The following SOX5 variants were observed in gnomAD, a reference collection of about 807,000 sequenced individuals.
SOX5 encodes the protein transcription factor SOX-5.
A neutral mutation model predicts 92.0 loss-of-function variants in SOX5; 9 were observed. The ratio of observed to expected loss-of-function variants is 0.10; its 90% CI spans 0.06 to 0.17. SOX5 has a LOEUF of 0.17. Among genes scored for constraint, SOX5 ranks in the 10% least tolerant of loss-of-function variants. SOX5 has a pLI of 1.00. For synonymous variants in SOX5, 344 were observed against 336.3 expected, an observed-to-expected ratio of 1.02 and a Z score of -0.25; for missense variants, 642 against 944.5, an observed-to-expected ratio of 0.68 and a Z score of 4.20.
At chr12:23,565,647 T>C (rs1946943250) in intron 10 of SOX5, among the ~76,000 whole-genome samples, 1 of 152,200 alleles carries the variant, frequency 6.6e-6, no homozygotes, top group South Asian at 2.1e-4. Flanking sequence ...CTATGTTCTG[T>C]AATGGTTATT....
intron 2 of SOX5, among the ~76,000 whole-genome samples, chr12:24,294,598 A>C (rs569898549): frequency 1.3e-5 from 2 of 152,330 alleles, no homozygotes; most frequent in African/African-American, 2.4e-5. Flanking sequence ...TGGAGTCACC[A>C]AAATGCACAG....
intron 2 of SOX5, among the ~76,000 whole-genome samples, chr12:24,322,847 T>G (rs954840567): frequency 6.6e-5 from 10 of 152,118 alleles, no homozygotes; most frequent in African/African-American, 1.9e-4. Flanking sequence ...TGTTGTTGTT[T>G]TTTAAATAAT....
chr12:24,258,611 T>C (rs1218758354), intron 3 of SOX5, among the ~76,000 whole-genome samples: 1 of 152,154 alleles, frequency 6.6e-6, no homozygotes, highest in East Asian at 1.9e-4. Context: ...ACAAAAATCA[T>C]AAGAATTTCT....
chr12:24,192,246 C>G (rs1956595382), intron 4 of SOX5, among the ~76,000 whole-genome samples: 1 of 152,124 alleles, frequency 6.6e-6, no homozygotes, highest in Non-Finnish European at 1.5e-5. Flanking sequence ...TTTCCTACTG[C>G]CACTAGCAGG....
At chr12:23,627,477 T>C (rs2077980505) in intron 8 of SOX5, among the ~76,000 whole-genome samples, 1 of 152,142 alleles carries the variant, frequency 6.6e-6, no homozygotes, top group Non-Finnish European at 1.5e-5. Flanking sequence ...ACTTGCTAAC[T>C]TGAAATATGG....
intron 1 of SOX5, among the ~76,000 whole-genome samples, chr12:24,459,575 A>G (rs1358867780): frequency 6.6e-6 from 1 of 151,998 alleles, no homozygotes; most frequent in African/African-American, 2.4e-5. Context: ...CTAAAAGGAG[A>G]GATGAGTTCT....
In SOX5 at chr12:24,042,004, G is replaced by T. The variant is rs753147094; in HGVS notation, c.-1-145980C>A. Among the ~76,000 whole-genome samples the T allele has an allele frequency of 2.0e-5, 3 of 152,144 alleles. No homozygotes were observed. In the Middle Eastern group the frequency reaches 0.01, roughly 517 times the overall value. On this transcript the variant is annotated intron_variant, in intron 4 of 4. Coordinates refer to the SOX5 transcript ENST00000446891. ...CCCAAATTAATCATTAAGGTTGTTT[G>T]TTTAACATCTACCATGCATAAGACA...
chr12:23,647,423 T>C (rs1017136820), intron 7 of SOX5, among the ~76,000 whole-genome samples: 1 of 152,222 alleles, frequency 6.6e-6, no homozygotes, highest in African/African-American at 2.4e-5. Flanking sequence ...TAAATGAGCT[T>C]TGGCTTCAAC....
chr12:23,540,787 C>T (rs765534276), intron 13 of SOX5, among the ~76,000 whole-genome samples: 3 of 152,080 alleles, frequency 2.0e-5, no homozygotes, highest in Non-Finnish European at 4.4e-5. Flanking sequence ...AACTACGATC[C>T]CCAGAGACTA....
At chr12:23,896,872 A>G (rs1253801130) in intron 1 of SOX5, among the ~76,000 whole-genome samples, 3 of 152,118 alleles carry the variant, frequency 2.0e-5, no homozygotes, top group Non-Finnish European at 4.4e-5. Context: ...TTGATGAGCT[A>G]AAGTCTACAT....
intron 1 of SOX5, among the ~76,000 whole-genome samples, chr12:23,905,021 G>A (rs574634084): frequency 9.2e-5 from 14 of 152,238 alleles, no homozygotes; most frequent in Admixed American, 7.2e-4. Flanking sequence ...AAAGCAAGTT[G>A]AAGATAAATA....
At chr12:24,466,006 C>T (rs1235376343) in intron 1 of SOX5, among the ~76,000 whole-genome samples, 1 of 152,122 alleles carries the variant, frequency 6.6e-6, no homozygotes, top group African/African-American at 2.4e-5. Context: ...TAATACTACC[C>T]TAATTATCCC....
At chr12:24,410,932 T>A (rs1266114060) in intron 1 of SOX5, among the ~76,000 whole-genome samples, 1 of 152,198 alleles carries the variant, frequency 6.6e-6, no homozygotes, top group Non-Finnish European at 1.5e-5. Flanking sequence ...ATGTTGAGTG[T>A]TCCAGTCCAT....
At chr12:24,311,825 T>C (rs1003708420) in intron 2 of SOX5, among the ~76,000 whole-genome samples, 1 of 152,190 alleles carries the variant, frequency 6.6e-6, no homozygotes, top group African/African-American at 2.4e-5. Flanking sequence ...TGCCTCCTTT[T>C]TAAAAAGCAT....
intron 4 of SOX5, among the ~76,000 whole-genome samples, chr12:24,155,973 G>A (rs1281566636): frequency 1.3e-5 from 2 of 152,090 alleles, no homozygotes; most frequent in Non-Finnish European, 2.9e-5. Context: ...GTTTATGGAC[G>A]CTATTTCTGC....
intron 4 of SOX5, among the ~76,000 whole-genome samples, chr12:24,195,162 A>G (rs1956895321): frequency 6.6e-6 from 1 of 152,082 alleles, no homozygotes; most frequent in South Asian, 2.1e-4. Context: ...CACGAGAAAA[A>G]TATTTCTAGG....
intron 11 of SOX5, among the ~76,000 whole-genome samples, chr12:23,551,195 A>C (rs937985773): frequency 1.3e-5 from 2 of 151,976 alleles, no homozygotes; most frequent in Non-Finnish European, 2.9e-5. Flanking sequence ...ATGGTCTTCT[A>C]CTATATTAAC....
intron 10 of SOX5, among the ~76,000 whole-genome samples, chr12:23,573,847 G>A (rs987807380): frequency 6.6e-6 from 1 of 152,014 alleles, no homozygotes; most frequent in Non-Finnish European, 1.5e-5. Flanking sequence ...CTAGGGACAG[G>A]CCTATGTGGC....
At chr12:24,129,644 A>G (rs1206521463) in intron 4 of SOX5, among the ~76,000 whole-genome samples, 3 of 152,194 alleles carry the variant, frequency 2.0e-5, no homozygotes, top group Non-Finnish European at 2.9e-5. Context: ...GTTCAGCCTG[A>G]GCCTCAGATA....
Sources: allele counts gnomAD v4.1 joint callset (sites outside exome capture counted in the v4.1 genomes callset), GRCh38; gene constraint gnomAD v4.1.1; transcripts MANE v1.5; gene names NCBI Gene and HGNC (gene_info 2026-07-23, HGNC 2026-07-21).